Variants in GDAP1 observed in about 807,000 individuals in gnomAD.
GDAP1 encodes ganglioside induced differentiation associated protein 1.
GDAP1 carries 34 observed loss-of-function variants against 40.1 expected under a neutral mutation model. That is an observed-to-expected ratio of 0.85 (90% confidence interval 0.64 to 1.13). GDAP1 has a LOEUF of 1.13. GDAP1 is among the 50% of genes most tolerant of loss of function. The pLI is 0.00. For synonymous variants in GDAP1, 170 were observed against 157.4 expected (o/e 1.08, Z -0.60); for missense variants, 374 against 433.7 (o/e 0.86, Z 1.22).
At chr8:74,353,151 G>A (rs941712635) in intron 2 of GDAP1, among the ~76,000 whole-genome samples, 5 of 152,254 alleles carry the variant, frequency 3.3e-5, no homozygotes, top group African/African-American at 9.6e-5. Flanking sequence ...CTGCTAAGTT[G>A]TATTTAAATA....
intron 2 of GDAP1, among the ~76,000 whole-genome samples, chr8:74,472,579 C>G (rs1215765949): frequency 6.6e-6 from 1 of 152,150 alleles, no homozygotes; most frequent in Non-Finnish European, 1.5e-5. Context: ...TCCCTTTTCT[C>G]TGCAACCTCA....
At chr8:74,368,933 G>A (rs1353046811), downstream of GDAP1, among the ~76,000 whole-genome samples, 1 of 152,108 alleles carries the variant, frequency 6.6e-6, no homozygotes, top group Non-Finnish European at 1.5e-5. Flanking sequence ...GTCACCAGGG[G>A]AGAAAAATCA....
At chr8:74,379,186 T>C (rs1809909577) in intron 2 of GDAP1, among the ~76,000 whole-genome samples, 1 of 45,316 alleles carries the variant, frequency 2.2e-5, no homozygotes, top group Non-Finnish European at 5.0e-5. Flanking sequence ...CTTTCAAATA[T>C]GAGGGTTCCA....
chr8:74,422,334 TTTCTTTCTTTCTTTCTTCCCTTCC>T lies in GDAP1; in HGVS notation c.166-66340_166-66317del, dbSNP rs1268660895. 4.5e-3 allele frequency among the ~76,000 whole-genome samples: 277 copies of T among 61,760 alleles called. 1 individual carries two copies. Among genetic ancestry groups the T allele is most frequent in the South Asian group, 6.8e-3 (9 of 1,332 alleles). The allele number at this position is 61,760 out of a possible 152,430, so 40.5% of individuals were successfully genotyped here. A position where few individuals can be genotyped will look rare whatever the true frequency, so the allele number is the denominator to read the frequency against. On this transcript the variant is annotated intron_variant, in intron 2 of 2. Coordinates refer to the GDAP1 transcript ENST00000523640. Reference sequence around the variant, plus strand: ...CTTTCTTTCTTTCTTTCTTTCTTTCTTTCTTTCTTTCTTTCTTCCCTTCCTTCCTTCCTTCCTTCCTTCCTTCCT... The same window carrying T: ...CTTTCTTTCTTTCTTTCTTTCTTTCTTTCCTTCCTTCCTTCCTTCCTTCCT...
intron 2 of GDAP1, among the ~76,000 whole-genome samples, chr8:74,379,766 T>G (rs1051217121): frequency 2.0e-5 from 3 of 152,122 alleles, no homozygotes; most frequent in African/African-American, 7.2e-5. Context: ...TAATTGGACT[T>G]GGATAGAGGT....
intron 2 of GDAP1, among the ~76,000 whole-genome samples, chr8:74,403,466 A>G (rs1805590734): frequency 6.7e-6 from 1 of 150,312 alleles, no homozygotes; most frequent in Non-Finnish European, 1.5e-5. Flanking sequence ...TACCCGTTCT[A>G]CATAGGAGAT....
At chr8:74,400,954 A>T (rs1012788841) in intron 2 of GDAP1, among the ~76,000 whole-genome samples, 1 of 149,856 alleles carries the variant, frequency 6.7e-6, no homozygotes, top group African/African-American at 2.6e-5. Flanking sequence ...CTTTGTGGGT[A>T]ACCTGACCTT....
At chr8:74,470,995 T>C (rs1198156013) in intron 2 of GDAP1, among the ~76,000 whole-genome samples, 5 of 152,374 alleles carry the variant, frequency 3.3e-5, no homozygotes, top group East Asian at 3.9e-4. Context: ...ATTTCTCTTA[T>C]GGCCAGTGAT....
chr8:74,411,193 A>G (rs1315449846), intron 2 of GDAP1, among the ~76,000 whole-genome samples: 1 of 150,078 alleles, frequency 6.7e-6, no homozygotes, highest in African/African-American at 2.5e-5. Context: ...TGAGTCAATT[A>G]AACCTCTTTC....
At position 74,484,835 on chromosome 8, in the gene GDAP1, C is replaced by G. The variant is rs1427691562; in HGVS notation, c.166-3843C>G. On this transcript the variant is annotated intron_variant, in intron 2 of 2. Transcript: ENST00000523640. ...ATAAACCTAGTCATCTTGATTCCTT[C>G]TGTTTTATCCCCTATACAGTAAGTC... is the stretch of plus-strand genomic sequence containing the variant. Among the ~76,000 whole-genome samples, 4 of 152,102 alleles carry G rather than the reference C, an allele frequency of 2.6e-5. No homozygotes were observed. The East Asian group carries it at 7.7e-4, about 29-fold the overall frequency.
chr8:74,477,987 A>G (rs1026252525), intron 2 of GDAP1, among the ~76,000 whole-genome samples: 2 of 152,100 alleles, frequency 1.3e-5, no homozygotes, highest in African/African-American at 2.4e-5. Context: ...GGAGCAGGAC[A>G]GTGTGTATCC....
At position 74,381,958 on chromosome 8, in the gene GDAP1, T is replaced by C. The variant is rs140658644; in HGVS notation, c.165+30637T>C. Reference sequence around the variant, plus strand: ...GGTCAATCCTCTGCTTTCGCCTTCATTTCCTTTAATATTGGCCACTATGCT... The same window carrying C: ...GGTCAATCCTCTGCTTTCGCCTTCACTTCCTTTAATATTGGCCACTATGCT... On this transcript the variant is annotated intron_variant, in intron 2 of 2. Transcript: ENST00000523640. Among the ~76,000 whole-genome samples the C allele has an allele frequency of 1.2e-4, 18 of 152,188 alleles. No individual in the cohort carries two copies. The East Asian group carries it at 1.9e-3, about 16-fold the overall frequency.
intron 2 of GDAP1, among the ~76,000 whole-genome samples, chr8:74,423,241 A>G (rs1250748805): frequency 6.8e-6 from 1 of 147,320 alleles, no homozygotes; most frequent in South Asian, 2.1e-4. Context: ...TATGATATGT[A>G]TACTATATAT....
At chr8:74,414,582 A>T (rs1008302442) in intron 2 of GDAP1, among the ~76,000 whole-genome samples, 15 of 149,944 alleles carry the variant, frequency 1.0e-4, no homozygotes, top group Non-Finnish European at 2.1e-4. Flanking sequence ...CTGAACTTGA[A>T]GATAAATCAA....
chr8:74,466,097 C>A (rs933985390), intron 2 of GDAP1, among the ~76,000 whole-genome samples: 1 of 152,126 alleles, frequency 6.6e-6, no homozygotes, highest in Non-Finnish European at 1.5e-5. Context: ...TTCAGAGGGA[C>A]GTGCTTTTTA....
At chr8:74,368,985 G>A (rs1448706602), downstream of GDAP1, among the ~76,000 whole-genome samples, 1 of 152,124 alleles carries the variant, frequency 6.6e-6, no homozygotes, top group African/African-American at 2.4e-5. Flanking sequence ...TCCTAAAAAA[G>A]CCTGAAACCA....
At chr8:74,354,589 G>T (rs1268089472) in intron 2 of GDAP1, among the ~76,000 whole-genome samples, 1 of 152,184 alleles carries the variant, frequency 6.6e-6, no homozygotes, top group African/African-American at 2.4e-5. Flanking sequence ...ATGTAAAATG[G>T]CTATGAGGAA....
intron 2 of GDAP1, among the ~76,000 whole-genome samples, chr8:74,395,751 T>G (rs1810187979): frequency 1.3e-5 from 2 of 152,194 alleles, no homozygotes; most frequent in African/African-American, 4.8e-5. Context: ...TGTATCTGTA[T>G]CTCTAGTCAT....
chr8:74,417,250 G>T (rs1586828223), intron 2 of GDAP1, among the ~76,000 whole-genome samples: 1 of 149,854 alleles, frequency 6.7e-6, no homozygotes. Flanking sequence ...AAATTTCCTC[G>T]ACTTGATAAA....
Sources: allele counts gnomAD v4.1 joint callset (sites outside exome capture counted in the v4.1 genomes callset), GRCh38; gene constraint gnomAD v4.1.1; transcripts MANE v1.5; gene names NCBI Gene and HGNC (gene_info 2026-07-23, HGNC 2026-07-21).